ERGIC1: variants seen among roughly 807,000 people sequenced by gnomAD.
The protein encoded by ERGIC1 is endoplasmic reticulum-golgi intermediate compartment 1.
Under a neutral mutation model 38.3 loss-of-function variants are expected in ERGIC1, and 19 were observed. The observed-to-expected ratio is 0.50, with a 90% CI of 0.35 to 0.73. The LOEUF is 0.73. Ranked by LOEUF, ERGIC1 falls within the 30% of genes least tolerant of loss-of-function variation. ERGIC1 has a pLI of 0.01. For missense variants in ERGIC1, 294 were observed against 389.2 expected (o/e 0.76, Z 2.06); for synonymous variants, 124 against 157.6 (o/e 0.79, Z 1.60).
intron 1 of ERGIC1, among the ~76,000 whole-genome samples, chr5:172,863,005 G>A (rs750003219): frequency 6.8e-4 from 103 of 152,232 alleles, no homozygotes; most frequent in Middle Eastern, 6.8e-3. Flanking sequence ...ACATACATAC[G>A]AACTCTCCCT....
intron 2 of ERGIC1, among the ~76,000 whole-genome samples, chr5:172,893,935 G>GTGTGTGTGTGTGTGTGTATATA (rs1429850022): frequency 2.2e-3 from 96 of 42,784 alleles, no homozygotes; most frequent in African/African-American, 2.7e-3. Context: ...GTGTGTGTGT[G>GTGTGTGTGTGTGTGTGTATATA]TATATATATA....
chr5:172,864,503 C>A (rs13181073), intron 1 of ERGIC1, among the ~76,000 whole-genome samples: 22,661 of 151,680 alleles, frequency 0.15, 1,990 homozygotes, highest in East Asian at 0.34. Flanking sequence ...CTCTTGGCCT[C>A]AAGTGATTAC....
chr5:172,884,737 G>A (rs1696473587), intron 1 of ERGIC1, among the ~76,000 whole-genome samples: 1 of 152,144 alleles, frequency 6.6e-6, no homozygotes. Flanking sequence ...TTGGGTGCTC[G>A]TTACACTCAC....
intron 1 of ERGIC1, among the ~76,000 whole-genome samples, chr5:172,871,075 T>C (rs940673095): frequency 2.6e-5 from 4 of 152,212 alleles, no homozygotes; most frequent in Admixed American, 1.3e-4. Context: ...CTGTTGTTTG[T>C]GAATGCAGTC....
At chr5:172,840,614 C>T (rs1180870763) in intron 1 of ERGIC1, among the ~76,000 whole-genome samples, 1 of 152,134 alleles carries the variant, frequency 6.6e-6, no homozygotes, top group Non-Finnish European at 1.5e-5. Flanking sequence ...CCTCGGGAGG[C>T]TGGGGCGTGG....
chr5:172,837,835 T>C lies in ERGIC1; in HGVS notation c.20+3402T>C. 6.6e-6 allele frequency among the ~76,000 whole-genome samples: 1 copy of C among 152,212 alleles called. No homozygotes were observed. The highest frequency in any genetic ancestry group is 1.5e-5 in the Non-Finnish European group (1 of 68,036). On this transcript the variant is annotated intron_variant, in intron 1 of 9. Transcript: ENST00000393784. The surrounding 1 kb of genome is among the most constrained non-coding windows in gnomAD (Gnocchi z 4.3). Reference sequence around the variant, plus strand: ...GAACTAGCCTTGTGACCCACATCCGTGTGTGTTGTTTCGAGTTCCGGCTGG... The same window carrying C: ...GAACTAGCCTTGTGACCCACATCCGCGTGTGTTGTTTCGAGTTCCGGCTGG...
At chr5:172,944,750 GCCA>G (rs1386089097) in intron 9 of ERGIC1, among the ~76,000 whole-genome samples, 2 of 152,208 alleles carry the variant, frequency 1.3e-5, no homozygotes, top group Non-Finnish European at 2.9e-5. Context: ...AGCCAATTCT[GCCA>G]GCCTCCAAAG....
In ERGIC1 at chr5:172,912,678, C is replaced by T. The variant is rs138478798; in HGVS notation, c.251-2036C>T. Reference sequence around the variant, plus strand: ...CTGGGATTACAGGCGTGAGCCACCGCGCCCAGCCAAGAAGGTGTGTTCTTA... The same window carrying T: ...CTGGGATTACAGGCGTGAGCCACCGTGCCCAGCCAAGAAGGTGTGTTCTTA... On this transcript the variant is annotated intron_variant, in intron 4 of 9. Transcript: ENST00000393784. 1.6e-3 allele frequency among the ~76,000 whole-genome samples: 243 copies of T among 151,868 alleles called. 3 individuals carry two copies. The East Asian group carries it at 0.037, about 23-fold the overall frequency.
rs12652741 is a variant in ERGIC1, at chr5:172,886,031, G to A, written c.21-2668G>A. ...TGTCAGCTGGGGCTCGGTGATGGCC[G>A]CCTGCTGGTTTGTTTTCTCTCCATT... On this transcript the variant is annotated intron_variant, in intron 1 of 9. Transcript: ENST00000393784. Among the ~76,000 whole-genome samples the A allele has an allele frequency of 5.3e-5, 8 of 151,848 alleles. No homozygotes were observed. In the East Asian group the frequency reaches 5.8e-4, roughly 11 times the overall value.
chr5:172,926,742 TCCAGAC>T lies in ERGIC1; in HGVS notation c.541+182_541+187del. 1 of 679,968 alleles carries T rather than the reference TCCAGAC, an allele frequency of 1.5e-6. No homozygotes were observed. Among genetic ancestry groups the T allele is most frequent in the Admixed American group, 2.5e-5 (1 of 39,276 alleles). The allele number at this position is 679,968 out of a possible 1,614,324, so 42.1% of individuals were successfully genotyped here. On this transcript the variant is annotated intron_variant, in intron 7 of 9. Transcript: ENST00000393784. The surrounding 1 kb of genome is among the most constrained non-coding windows in gnomAD (Gnocchi z 5.2). ...CAGTGGGAAGGTGGACCCAGCCCCG[TCCAGAC>T]CCAGACCCTGATGGAGAAGGAAGAA...
intron 6 of ERGIC1, among the ~76,000 whole-genome samples, chr5:172,924,998 G>A (rs762536903): frequency 1.2e-4 from 18 of 152,166 alleles, no homozygotes; most frequent in Non-Finnish European, 2.2e-4. Context: ...AGCACTTTGG[G>A]AGGCTGAAGC....
chr5:172,945,400 G>A (rs1425386864), intron 9 of ERGIC1, among the ~76,000 whole-genome samples: 1 of 152,240 alleles, frequency 6.6e-6, no homozygotes, highest in Non-Finnish European at 1.5e-5. Flanking sequence ...CACTCTTGCG[G>A]TCCTGTTCCT....
At chr5:172,917,442 C>CA (rs1763395504) in intron 5 of ERGIC1, 1 of 152,258 alleles carries the variant, frequency 6.6e-6, no homozygotes, top group Admixed American at 6.5e-5. Flanking sequence ...CCAGCAGCAT[C>CA]AGCATCACCT....
intron 1 of ERGIC1, among the ~76,000 whole-genome samples, chr5:172,851,200 CAAAAA>C (rs34437961): frequency 4.1e-5 from 4 of 96,632 alleles, no homozygotes. Context: ...GACTCTGTCT[CAAAAA>C]AAAAAAAAAA....
In ERGIC1 at chr5:172,837,594, A is replaced by G. The variant is rs1471868869; in HGVS notation, c.20+3161A>G. 2.0e-5 allele frequency among the ~76,000 whole-genome samples: 3 copies of G among 152,156 alleles called. No homozygotes were observed. The highest frequency in any genetic ancestry group is 2.9e-5 in the Non-Finnish European group (2 of 68,020). On this transcript the variant is annotated intron_variant, in intron 1 of 9. Transcript: ENST00000393784. The surrounding 1 kb of genome is among the most constrained non-coding windows in gnomAD (Gnocchi z 4.3). ...GAAATCTGTCAAGGAAGCCATAGAC[A>G]TGACGTGACTTGATATGCCAGCTTC... is the stretch of plus-strand genomic sequence containing the variant.
intron 3 of ERGIC1, 94 bp from the exon 4 acceptor site, chr5:172,909,573 G>T: frequency 8.7e-7 from 1 of 1,149,826 alleles, no homozygotes; most frequent in Non-Finnish European, 1.3e-6. Flanking sequence ...TATCTAAGTT[G>T]TGGTCACCAA....
intron 1 of ERGIC1, among the ~76,000 whole-genome samples, chr5:172,881,811 A>G (rs915198307): frequency 1.3e-5 from 2 of 152,250 alleles, no homozygotes; most frequent in African/African-American, 2.4e-5. Flanking sequence ...AGTCAAGACA[A>G]TTAGATGTGA....
chr5:172,838,356 T>C (rs1336115901), intron 1 of ERGIC1, among the ~76,000 whole-genome samples: 1 of 152,142 alleles, frequency 6.6e-6, no homozygotes, highest in Admixed American at 6.5e-5. Context: ...CCTCTGAGTG[T>C]GTGACCCTGT....
chr5:172,936,990 C>A (rs1397345797), intron 9 of ERGIC1: 1 of 152,104 alleles, frequency 6.6e-6, no homozygotes. Flanking sequence ...CAGAGCGAGA[C>A]CCTTTCTCTA....
Sources: gnomAD v4.1 joint callset for allele counts (sites outside exome capture counted in the v4.1 genomes callset) on GRCh38, gnomAD v4.1.1 for gene constraint, Gnocchi (gnomAD v3.1) non-coding constraint, MANE v1.5 for transcripts, NCBI Gene and HGNC (gene_info 2026-07-23, HGNC 2026-07-21) for gene names.